The following PPA1 variants were observed in gnomAD, a reference collection of about 807,000 sequenced individuals.
PPA1 encodes inorganic pyrophosphatase.
In PPA1, 23 loss-of-function variants were observed where a neutral mutation model predicts 41.8. That is an observed-to-expected ratio of 0.55 (90% CI 0.40 to 0.78). PPA1 has a LOEUF of 0.78. Ranked by LOEUF, PPA1 falls within the 30% of genes least tolerant of loss-of-function variation. The pLI is 0.00. For synonymous variants in PPA1, 101 were observed against 116.8 expected (o/e 0.86, Z 0.87); for missense variants, 320 against 361.6 (o/e 0.89, Z 0.93).
chr10:70,206,750 A>G (rs530302758), intron 8 of PPA1, among the ~76,000 whole-genome samples: 142 of 151,274 alleles, frequency 9.4e-4, no homozygotes, highest in African/African-American at 3.2e-3. Context: ...AGGCTGAGGC[A>G]GGAGAATCGC....
At chr10:70,224,622 A>C (rs1308191330) in intron 2 of PPA1, among the ~76,000 whole-genome samples, 1 of 152,258 alleles carries the variant, frequency 6.6e-6, no homozygotes, top group Non-Finnish European at 1.5e-5. Context: ...TTACTAATGC[A>C]GTTAAGTACA....
chr10:70,209,151 T>C, intron 8 of PPA1, 54 bp downstream of exon 8: 1 of 1,326,614 alleles, frequency 7.5e-7, no homozygotes, highest in South Asian at 1.2e-5. Context: ...ATTAAAACCT[T>C]TTCTGCAAGC....
intron 6 of PPA1, among the ~76,000 whole-genome samples, chr10:70,211,085 G>C (rs187149249): frequency 2.6e-5 from 4 of 152,208 alleles, no homozygotes; most frequent in Non-Finnish European, 5.9e-5. Flanking sequence ...TTTATAATCT[G>C]CATAAAGAAT....
chr10:70,213,014 G>A (rs566713485), intron 6 of PPA1, among the ~76,000 whole-genome samples: 49 of 152,226 alleles, frequency 3.2e-4, no homozygotes, highest in Non-Finnish European at 5.3e-4. Context: ...CTGAGGGAAG[G>A]GGGACAGGGA....
At chr10:70,225,296 C>A (rs1156499459) in intron 2 of PPA1, among the ~76,000 whole-genome samples, 1 of 152,108 alleles carries the variant, frequency 6.6e-6, no homozygotes, top group Non-Finnish European at 1.5e-5. Context: ...CAGCTCACTG[C>A]AACCTCCGTC....
chr10:70,206,323 T>C lies in PPA1; in HGVS notation c.736A>G (p.Thr246Ala), dbSNP rs758535236. ...CACTTGAAGGGGCTCTCAGACAAAG[T>C]TGTATTCATGCTATTAAATAAAACA... ...NGKGISCMNT[T>A]LSESPFKCDP... Residue 246 changes from threonine to alanine, a missense_variant, in exon 9 of 11, where the codon ACT becomes GCT. By Grantham distance (58) the Thr-to-Ala change is moderately conservative (BLOSUM62 0). Transcript: ENST00000373232. The C allele has an allele frequency of 3.7e-6, 6 of 1,611,724 alleles. No individual in the cohort carries two copies. Among genetic ancestry groups the C allele is most frequent in the African/African-American group, 2.7e-5 (2 of 74,838 alleles).
intron 6 of PPA1, among the ~76,000 whole-genome samples, chr10:70,212,555 T>C (rs1260218968): frequency 6.6e-6 from 1 of 152,170 alleles, no homozygotes; most frequent in Non-Finnish European, 1.5e-5. Context: ...GAAAACATTA[T>C]ACTAAGTGAA....
At chr10:70,230,475 T>TC in intron 1 of PPA1, 76 bp from the exon 2 acceptor site, 2 of 1,409,738 alleles carry the variant, frequency 1.4e-6, no homozygotes, top group South Asian at 1.3e-5. Flanking sequence ...ATTTTTTTTT[T>TC]CTGAGATAAG....
At chr10:70,221,022 T>TA (rs1203447399) in intron 2 of PPA1, among the ~76,000 whole-genome samples, 1 of 70,710 alleles carries the variant, frequency 1.4e-5, no homozygotes, top group Non-Finnish European at 2.4e-5. Context: ...ATAATTTATA[T>TA]ATATAATATA....
At position 70,223,145 on chromosome 10, in the gene PPA1, G is replaced by A. The variant is rs866645198; in HGVS notation, c.124-4328C>T. Reference sequence around the variant, plus strand: ...TTTGGGAGGCAGAGGCAGGAGGACCGCTTGAGGCCAAGAGTTCAAGACCAA... The same window carrying A: ...TTTGGGAGGCAGAGGCAGGAGGACCACTTGAGGCCAAGAGTTCAAGACCAA... On this transcript the variant is annotated intron_variant, in intron 2 of 10. Transcript: ENST00000373232. Among the ~76,000 whole-genome samples the A allele has an allele frequency of 3.3e-5, 5 of 152,140 alleles. No homozygotes were observed. The East Asian group carries it at 5.8e-4, about 18-fold the overall frequency.
Position 70,233,355 on chromosome 10 carries a change from C to A in PPA1, c.-28G>T. The A allele has an allele frequency of 6.5e-7, 1 of 1,531,554 alleles. No homozygotes were observed. The allele number at this position is 1,531,554 out of a possible 1,614,324, so 94.9% of individuals were successfully genotyped here. ...TGCCGGAGTCCTGCCGCCGCCGCTGCCACAGAGCCACCAGCCCGCACGCGG... is the reference window on the plus strand; with the variant it reads ...TGCCGGAGTCCTGCCGCCGCCGCTGACACAGAGCCACCAGCCCGCACGCGG... On this transcript the variant is annotated 5_prime_UTR_variant, in exon 1 of 11. Coordinates refer to ENST00000373232, the MANE Select transcript of PPA1 (RefSeq NM_021129.4).
At chr10:70,233,171 G>A in intron 1 of PPA1, 93 bp downstream of exon 1, 1 of 1,385,592 alleles carries the variant, frequency 7.2e-7, no homozygotes, top group Admixed American at 2.5e-5. Flanking sequence ...CGGAGACCTG[G>A]GGCCGAGCGC....
intron 1 of PPA1, among the ~76,000 whole-genome samples, chr10:70,231,327 A>T (rs923203591): frequency 6.6e-6 from 1 of 152,138 alleles, no homozygotes; most frequent in East Asian, 1.9e-4. Flanking sequence ...AGCACTTTGG[A>T]AGGCCAAAGC....
Position 70,204,889 on chromosome 10 carries a change from G to T in PPA1, c.822C>A (p.Cys274Ter). ...AAATCTTACCGTCTGTTGGTACTGT[G>T]CAGGCAGATTCACAGGGTGGTGGTA... ...DALPPPCESA[C>*]TVPTDVDKWF... is the part of the protein sequence containing the mutation. Residue 274 changes from cysteine to a stop codon, truncating the protein, a stop_gained, in exon 10 of 11, where the codon TGC (cysteine) becomes TGA (stop). Transcript: ENST00000373232. LOFTEE classifies it high-confidence loss of function. 6.3e-7 allele frequency: 1 copy of T among 1,596,774 alleles called. No individual in the cohort carries two copies. Among genetic ancestry groups the T allele is most frequent in the Non-Finnish European group, 8.6e-7 (1 of 1,167,736 alleles).
At chr10:70,206,482 G>A (rs937728027) in intron 8 of PPA1, 149 bp from the exon 9 acceptor site, 3 of 628,004 alleles carry the variant, frequency 4.8e-6, no homozygotes, top group East Asian at 2.8e-5. Context: ...TTCTAATTAT[G>A]TATTTTGGCA....
chr10:70,205,032 C>T (rs778139674), intron 9 of PPA1, 117 bp from the exon 10 acceptor site: 11 of 707,204 alleles, frequency 1.6e-5, no homozygotes, highest in East Asian at 1.1e-4. Flanking sequence ...AGGATCTAAA[C>T]GTAATTTATA....
chr10:70,216,591 G>A (rs1452253973), intron 4 of PPA1, among the ~76,000 whole-genome samples: 1 of 152,102 alleles, frequency 6.6e-6, no homozygotes, highest in East Asian at 1.9e-4. Flanking sequence ...TCAGACCTAT[G>A]TTCTACTATC....
At chr10:70,209,136 T>C (rs1839984007) in intron 8 of PPA1, 69 bp downstream of exon 8, 1 of 1,158,120 alleles carries the variant, frequency 8.6e-7, no homozygotes. Flanking sequence ...CAGTGTCTTA[T>C]GATTATTAAA....
In PPA1 at chr10:70,233,344, C is replaced by T. The variant is rs765025926; in HGVS notation, c.-17G>A. 9.2e-6 allele frequency: 14 copies of T among 1,527,790 alleles called. No individual in the cohort carries two copies. The highest frequency in any genetic ancestry group is 1.8e-4 in the Middle Eastern group (1 of 5,636). 94.6% of individuals were successfully genotyped at this position (1,527,790 alleles called of 1,614,324 possible). A position where few individuals can be genotyped will look rare whatever the true frequency, so the allele number is the denominator to read the frequency against. ...GCCGCTCATAGTGCCGGAGTCCTGC[C>T]GCCGCCGCTGCCACAGAGCCACCAG... is the stretch of plus-strand genomic sequence containing the variant. On this transcript the variant is annotated 5_prime_UTR_variant, in exon 1 of 11. Coordinates refer to ENST00000373232, the MANE Select transcript of PPA1 (RefSeq NM_021129.4).
Sources: allele counts gnomAD v4.1 joint callset (sites outside exome capture counted in the v4.1 genomes callset), GRCh38; gene constraint gnomAD v4.1.1; transcripts MANE v1.5; gene names NCBI Gene and HGNC (gene_info 2026-07-23, HGNC 2026-07-21).